UBAC2: variants seen among roughly 807,000 people sequenced by gnomAD.
The protein encoded by UBAC2 is ubiquitin-associated domain-containing protein 2.
In UBAC2, 26 loss-of-function variants were observed where a neutral mutation model predicts 44.0. The observed-to-expected ratio is 0.59, with a 90% CI of 0.43 to 0.82. The LOEUF is 0.82. Ranked by LOEUF, UBAC2 falls within the 40% of genes least tolerant of loss-of-function variation. The probability of loss-of-function intolerance (pLI) is 0.00; values close to 1 mark genes in which losing one functional copy is unlikely to be tolerated. For synonymous variants in UBAC2, 155 were observed against 154.3 expected, an observed-to-expected ratio of 1.00 and a Z score of -0.04; for missense variants, 329 against 419.4, an observed-to-expected ratio of 0.78 and a Z score of 1.88.
chr13:99,383,882 G>A (rs1269433526), intron 8 of UBAC2, among the ~76,000 whole-genome samples: 1 of 152,220 alleles, frequency 6.6e-6, no homozygotes, highest in Non-Finnish European at 1.5e-5. Context: ...TCACTGGGAG[G>A]TTCCCTCCCC....
At chr13:99,254,954 G>C (rs780396822) in intron 4 of UBAC2, 1 of 1,614,042 alleles carries the variant, frequency 6.2e-7, no homozygotes, top group East Asian at 2.2e-5. Context: ...ATGCTTCGAA[G>C]GTAATTACGG....
At chr13:99,314,262 C>CTTTTT (rs57005833) in intron 5 of UBAC2, 42 bp downstream of exon 5, 61 of 1,149,814 alleles carry the variant, frequency 5.3e-5, no homozygotes, top group South Asian at 1.4e-4. Flanking sequence ...TTAACCAGAT[C>CTTTTT]TTTTTTTTTT....
intron 4 of UBAC2, among the ~76,000 whole-genome samples, chr13:99,273,369 C>T (rs751456737): frequency 4.6e-5 from 7 of 152,106 alleles, no homozygotes; most frequent in Non-Finnish European, 7.4e-5. Flanking sequence ...GAATCCACAG[C>T]CACTGCAGGA....
At chr13:99,300,396 C>T (rs904429979) in intron 4 of UBAC2, among the ~76,000 whole-genome samples, 1 of 152,216 alleles carries the variant, frequency 6.6e-6, no homozygotes, top group African/African-American at 2.4e-5. Context: ...TAATATGTCA[C>T]TTTAGTTCTT....
chr13:99,308,844 G>A (rs2044374131), intron 4 of UBAC2: 1 of 152,168 alleles, frequency 6.6e-6, no homozygotes, highest in South Asian at 2.1e-4. Flanking sequence ...GTAATTCCTA[G>A]TACAAAAATT....
intron 1 of UBAC2, among the ~76,000 whole-genome samples, chr13:99,221,443 A>T (rs1264864915): frequency 6.6e-6 from 1 of 152,206 alleles, no homozygotes. Flanking sequence ...AGTGCAGTGT[A>T]GTCAGTTGTG....
intron 1 of UBAC2, among the ~76,000 whole-genome samples, chr13:99,232,354 T>C (rs1163339282): frequency 2.1e-5 from 3 of 144,152 alleles, no homozygotes; most frequent in Non-Finnish European, 4.6e-5. Flanking sequence ...AATAATTCTT[T>C]CAAGTAGCTT....
intron 6 of UBAC2, among the ~76,000 whole-genome samples, chr13:99,335,430 A>G (rs1282814026): frequency 1.3e-5 from 2 of 151,008 alleles, no homozygotes; most frequent in Non-Finnish European, 2.9e-5. Flanking sequence ...AAAAATATAT[A>G]TTTGTTACAG....
At chr13:99,232,420 A>ATATATATT (rs1438082766) in intron 1 of UBAC2, among the ~76,000 whole-genome samples, 11 of 142,692 alleles carry the variant, frequency 7.7e-5, no homozygotes, top group African/African-American at 2.6e-4. Flanking sequence ...ATATATATAT[A>ATATATATT]TTCACACACA....
chr13:99,225,971 C>A (rs1232971131), intron 1 of UBAC2, among the ~76,000 whole-genome samples: 12 of 152,162 alleles, frequency 7.9e-5, no homozygotes, highest in Admixed American at 7.9e-4. Context: ...CTGTTAAGTG[C>A]TATGAAAAAA....
intron 4 of UBAC2, among the ~76,000 whole-genome samples, chr13:99,245,554 C>T (rs534960237): frequency 1.3e-5 from 2 of 152,064 alleles, no homozygotes; most frequent in Admixed American, 1.3e-4. Flanking sequence ...CCATCTCAAA[C>T]AAACAAACAA....
chr13:99,203,674 A>T (rs2042833617), intron 1 of UBAC2, among the ~76,000 whole-genome samples: 1 of 152,252 alleles, frequency 6.6e-6, no homozygotes, highest in African/African-American at 2.4e-5. Context: ...ACAAGTCAGT[A>T]TGATTCACAT....
intron 4 of UBAC2, among the ~76,000 whole-genome samples, chr13:99,289,165 G>T (rs1462772308): frequency 6.6e-6 from 1 of 152,188 alleles, no homozygotes; most frequent in Admixed American, 6.5e-5. Flanking sequence ...CCATCTCCAG[G>T]CCAGTGTCTT....
chr13:99,202,699 G>A lies in UBAC2; in HGVS notation c.31+1760G>A, dbSNP rs112281493. ...AACTGTTGCCCAGGGAGAGGCGTAG[G>A]TCTGGAGCCCCTCTGCAGCTGTCTT... On this transcript the variant is annotated intron_variant, in intron 1 of 8. Transcript: ENST00000403766. Among the ~76,000 whole-genome samples, 1,517 of 152,250 alleles carry A rather than the reference G, an allele frequency of 1.0e-2. 30 individuals carry two copies. Among genetic ancestry groups the A allele is most frequent in the African/African-American group, 0.035 (1,457 of 41,528 alleles).
intron 1 of UBAC2, among the ~76,000 whole-genome samples, chr13:99,227,940 A>G (rs1294129302): frequency 6.6e-6 from 1 of 152,244 alleles, no homozygotes; most frequent in East Asian, 1.9e-4. Context: ...GTTGTAGAGC[A>G]GATATACTAG....
intron 4 of UBAC2, among the ~76,000 whole-genome samples, chr13:99,259,406 A>G (rs2043623317): frequency 6.6e-6 from 1 of 151,680 alleles, no homozygotes; most frequent in African/African-American, 2.4e-5. Flanking sequence ...AGTTACTTAA[A>G]TCCTTGCCTT....
At chr13:99,372,910 C>G (rs554591160) in intron 8 of UBAC2, among the ~76,000 whole-genome samples, 1 of 152,094 alleles carries the variant, frequency 6.6e-6, no homozygotes, top group East Asian at 1.9e-4. Context: ...GTCAGGAGAT[C>G]GAGACCATCC....
chr13:99,277,791 C>T (rs1199606926), intron 4 of UBAC2, among the ~76,000 whole-genome samples: 1 of 150,824 alleles, frequency 6.6e-6, no homozygotes. Flanking sequence ...ATTTCAGGCA[C>T]TCTTGCCCCA....
intron 2 of UBAC2, among the ~76,000 whole-genome samples, chr13:99,241,310 G>T (rs1200023985): frequency 6.6e-6 from 1 of 150,900 alleles, no homozygotes; most frequent in Non-Finnish European, 1.5e-5. Flanking sequence ...ACCAATGTTC[G>T]CAGCAGCATT....
Sources: allele counts gnomAD v4.1 joint callset (sites outside exome capture counted in the v4.1 genomes callset), GRCh38; gene constraint gnomAD v4.1.1; transcripts MANE v1.5; gene names NCBI Gene and HGNC (gene_info 2026-07-23, HGNC 2026-07-21).